Variants in XKR9 observed in about 807,000 individuals in gnomAD.
XKR9 encodes the protein XK-related protein 9.
XKR9 carries 32 observed loss-of-function variants against 32.0 expected under a neutral mutation model. The observed-to-expected ratio is 1.00, with a 90% CI of 0.76 to 1.34. The LOEUF (loss-of-function observed/expected upper bound fraction) is 1.34. Ranked by LOEUF, XKR9 falls within the 40% of genes most tolerant of loss-of-function variation. The pLI is 0.00. For missense variants in XKR9, 546 were observed against 429.7 expected, an observed-to-expected ratio of 1.27 and a Z score of -2.39; for synonymous variants, 168 against 143.4, an observed-to-expected ratio of 1.17 and a Z score of -1.22.
the XKR9 span, among the ~76,000 whole-genome samples, chr8:70,999,662 C>T: frequency 6.6e-6 from 1 of 152,150 alleles, no homozygotes; most frequent in Non-Finnish European, 1.5e-5. Context: ...CGCAAAGTAA[C>T]AAGAATCAGA....
At chr8:71,050,276 TATAGATA>T in the XKR9 span, among the ~76,000 whole-genome samples, 1 of 59,878 alleles carries the variant, frequency 1.7e-5, no homozygotes, top group Non-Finnish European at 3.4e-5. Context: ...GATAGATAGA[TATAGATA>T]TAGATATAGA....
chr8:70,681,923 T>C lies in XKR9; in HGVS notation c.272+593T>C, dbSNP rs137946898. 2.4e-3 allele frequency among the ~76,000 whole-genome samples: 362 copies of C among 152,232 alleles called. 2 individuals carry two copies. The highest frequency in any genetic ancestry group is 8.3e-3 in the African/African-American group (347 of 41,574). Reference sequence around the variant, plus strand: ...GATTCTACTTTTGATTCTGTCCTGTTAAAAAGCAATTCATGATCCTTAGTT... The same window carrying C: ...GATTCTACTTTTGATTCTGTCCTGTCAAAAAGCAATTCATGATCCTTAGTT... On this transcript the variant is annotated intron_variant, in intron 3 of 4. Transcript: ENST00000408926.
chr8:70,859,706 G>C, the XKR9 span, among the ~76,000 whole-genome samples: 2 of 152,006 alleles, frequency 1.3e-5, no homozygotes, highest in East Asian at 1.9e-4. Context: ...TTGAACTGGA[G>C]GTCATTATAA....
At chr8:70,948,321 G>A in the XKR9 span, among the ~76,000 whole-genome samples, 1 of 152,176 alleles carries the variant, frequency 6.6e-6, no homozygotes, top group Non-Finnish European at 1.5e-5. Context: ...CTTATTTCAT[G>A]TGAGTCTTTC....
chr8:70,907,714 T>G, the XKR9 span, among the ~76,000 whole-genome samples: 1 of 152,248 alleles, frequency 6.6e-6, no homozygotes, highest in African/African-American at 2.4e-5. Flanking sequence ...TTTCTTTTGC[T>G]TAAACATGAC....
At chr8:70,696,993 T>C (rs1366075257) in intron 3 of XKR9, among the ~76,000 whole-genome samples, 1 of 151,758 alleles carries the variant, frequency 6.6e-6, no homozygotes, top group Non-Finnish European at 1.5e-5. Flanking sequence ...TTGTCTGTTA[T>C]TGGTGTATAA....
intron 4 of XKR9, among the ~76,000 whole-genome samples, chr8:70,727,740 G>T (rs778377864): frequency 6.6e-6 from 1 of 152,026 alleles, no homozygotes; most frequent in Admixed American, 6.6e-5. Context: ...GGTAGGGGAA[G>T]CCCGTGAGCT....
At chr8:70,944,643 C>T in the XKR9 span, among the ~76,000 whole-genome samples, 1 of 152,144 alleles carries the variant, frequency 6.6e-6, no homozygotes, top group Non-Finnish European at 1.5e-5. Flanking sequence ...TTAGGAGCCA[C>T]CTCTCTGTAA....
chr8:70,985,012 G>A, the XKR9 span, among the ~76,000 whole-genome samples: 3 of 151,810 alleles, frequency 2.0e-5, no homozygotes, highest in Non-Finnish European at 4.4e-5. Context: ...TTGCTAAGAA[G>A]GTATAACTAA....
the XKR9 span, among the ~76,000 whole-genome samples, chr8:70,944,354 A>T: frequency 6.6e-6 from 1 of 152,242 alleles, no homozygotes; most frequent in African/African-American, 2.4e-5. Context: ...AAACACAGAA[A>T]ATCTCTGTGA....
the XKR9 span, among the ~76,000 whole-genome samples, chr8:70,980,234 C>G: frequency 2.4e-4 from 37 of 152,210 alleles, no homozygotes; most frequent in Admixed American, 8.5e-4. Context: ...GGTGATGCCC[C>G]GCCCTGCTTT....
chr8:70,878,560 A>G, the XKR9 span, among the ~76,000 whole-genome samples: 3 of 152,088 alleles, frequency 2.0e-5, no homozygotes, highest in Admixed American at 6.6e-5. Flanking sequence ...GACAAAGAAG[A>G]CCACTACATA....
intron 4 of XKR9, among the ~76,000 whole-genome samples, chr8:70,718,786 G>T (rs1026536404): frequency 2.0e-5 from 3 of 152,092 alleles, no homozygotes; most frequent in Non-Finnish European, 4.4e-5. Flanking sequence ...AAACATACAT[G>T]TGCATGTCTT....
At chr8:70,811,263 C>T in the XKR9 span, among the ~76,000 whole-genome samples, 3 of 152,014 alleles carry the variant, frequency 2.0e-5, no homozygotes, top group East Asian at 3.9e-4. Flanking sequence ...ACACAACATA[C>T]CAGAATCTCT....
At chr8:70,933,805 A>G in the XKR9 span, among the ~76,000 whole-genome samples, 1 of 152,088 alleles carries the variant, frequency 6.6e-6, no homozygotes, top group Non-Finnish European at 1.5e-5. Context: ...ACAAGAGTAG[A>G]ATACTGCCTC....
At chr8:70,849,944 G>A in the XKR9 span, among the ~76,000 whole-genome samples, 1 of 150,644 alleles carries the variant, frequency 6.6e-6, no homozygotes, top group East Asian at 2.0e-4. Context: ...CGAATAGACC[G>A]ATAACAAGTT....
chr8:70,775,417 T>A (rs1255641369), intron 2 of XKR9, among the ~76,000 whole-genome samples: 1 of 152,168 alleles, frequency 6.6e-6, no homozygotes, highest in Non-Finnish European at 1.5e-5. Flanking sequence ...TAGTGTAATA[T>A]CATACTATTA....
At chr8:70,874,371 T>A in the XKR9 span, among the ~76,000 whole-genome samples, 1 of 152,200 alleles carries the variant, frequency 6.6e-6, no homozygotes. Flanking sequence ...GTATGATAGA[T>A]CCCTATGAAG....
intron 3 of XKR9, among the ~76,000 whole-genome samples, chr8:70,698,992 A>G (rs1327404436): frequency 6.6e-6 from 1 of 152,078 alleles, no homozygotes; most frequent in African/African-American, 2.4e-5. Context: ...CTTTTATCAG[A>G]GACTAGGATT....
Sources: gnomAD v4.1 joint callset for allele counts (sites outside exome capture counted in the v4.1 genomes callset) on GRCh38, gnomAD v4.1.1 for gene constraint, MANE v1.5 for transcripts, NCBI Gene and HGNC (gene_info 2026-07-23, HGNC 2026-07-21) for gene names.